The following LRRK2 variants were observed in gnomAD, a reference collection of about 807,000 sequenced individuals.
LRRK2 encodes the protein leucine rich repeat kinase 2, also known as leucine-rich repeat serine/threonine-protein kinase 2.
A neutral mutation model predicts 302.6 loss-of-function variants in LRRK2; 203 were observed. The observed-to-expected ratio is 0.67, with a 90% CI of 0.60 to 0.75. LRRK2 has a LOEUF of 0.75. Ranked by LOEUF, LRRK2 falls within the 30% of genes least tolerant of loss-of-function variation. LRRK2 has a pLI of 0.00. For missense variants in LRRK2, 2,830 were observed against 2,951.0 expected (o/e 0.96, Z 0.95); for synonymous variants, 1,066 against 1,031.9 (o/e 1.03, Z -0.63).
chr12:40,258,925 T>G (rs1457011704), intron 12 of LRRK2, among the ~76,000 whole-genome samples: 2 of 152,190 alleles, frequency 1.3e-5, no homozygotes, highest in Non-Finnish European at 2.9e-5. Context: ...TCTAGTCAAG[T>G]GACATTTGCT....
chr12:40,287,015 C>T (rs1330940225), intron 19 of LRRK2, among the ~76,000 whole-genome samples: 1 of 151,860 alleles, frequency 6.6e-6, no homozygotes, highest in Non-Finnish European at 1.5e-5. Context: ...ACACTGATAC[C>T]CAGGGAGCTC....
intron 14 of LRRK2, among the ~76,000 whole-genome samples, chr12:40,264,873 T>C (rs1942941896): frequency 6.6e-6 from 1 of 152,200 alleles, no homozygotes; most frequent in African/African-American, 2.4e-5. Flanking sequence ...TTAAGAAGTT[T>C]TGGAAATTTT....
intron 19 of LRRK2, among the ~76,000 whole-genome samples, 187 bp from the exon 20 acceptor site, chr12:40,287,164 G>GT (rs540331663): frequency 1.2e-4 from 18 of 151,966 alleles, no homozygotes; most frequent in South Asian, 6.2e-4. Context: ...ACATGGTTAT[G>GT]TTTTTTTAAA....
At chr12:40,328,602 C>T (rs1945620996) in intron 39 of LRRK2, 142 bp downstream of exon 39, 16 of 647,884 alleles carry the variant, frequency 2.5e-5, no homozygotes, top group South Asian at 6.3e-5. Context: ...TTTGTCTTTT[C>T]GTTGTGGAGT....
At chr12:40,232,159 G>A (rs1941231847) in intron 2 of LRRK2, 115 bp from the exon 3 acceptor site, 2 of 793,412 alleles carry the variant, frequency 2.5e-6, no homozygotes, top group Non-Finnish European at 4.4e-6. Flanking sequence ...TATAACCATT[G>A]TTTACAAGTG....
intron 16 of LRRK2, among the ~76,000 whole-genome samples, chr12:40,275,773 G>T (rs1024719977): frequency 1.3e-5 from 2 of 151,882 alleles, no homozygotes; most frequent in Non-Finnish European, 2.9e-5. Context: ...CCCATGCCTG[G>T]CTAATTTTTG....
In LRRK2 at chr12:40,277,942, C is replaced by T. The variant is rs751212416; in HGVS notation, c.1996C>T (p.Leu666=). ...ATTGTCAGCATCTTTTTCTAAGCTG[C>T]TGGTGCATCATTCATTTGACTTAGT... ...LKLSASFSKL[L]VHHSFDLVIF... Residue 666 remains leucine, a synonymous_variant, in exon 17 of 51, where the codon CTG becomes TTG. Transcript: ENST00000298910. 4.3e-6 allele frequency: 7 copies of T among 1,612,830 alleles called. No homozygotes were observed. The highest frequency in any genetic ancestry group is 5.9e-6 in the Non-Finnish European group (7 of 1,179,770).
chr12:40,300,049 G>A (rs1196958978), intron 25 of LRRK2, among the ~76,000 whole-genome samples: 1 of 152,118 alleles, frequency 6.6e-6, no homozygotes, highest in Admixed American at 6.6e-5. Flanking sequence ...TGCCTGAGCT[G>A]GGTAAGGCAT....
At chr12:40,287,598 T>C (rs1220672461) in intron 20 of LRRK2, 59 bp downstream of exon 20, 2 of 1,545,384 alleles carry the variant, frequency 1.3e-6, no homozygotes, top group African/African-American at 1.4e-5. Context: ...CATTGAACAA[T>C]AGGACCCAAG....
chr12:40,281,079 A>AC (rs1444179648), intron 18 of LRRK2, among the ~76,000 whole-genome samples: 2 of 151,764 alleles, frequency 1.3e-5, no homozygotes, highest in South Asian at 4.2e-4. Context: ...AAAAAAAAAA[A>AC]AACAAAAAAC....
intron 11 of LRRK2, among the ~76,000 whole-genome samples, chr12:40,254,841 T>G (rs17465807): frequency 6.6e-6 from 1 of 152,176 alleles, no homozygotes; most frequent in Non-Finnish European, 1.5e-5. Context: ...GATCCTTTTG[T>G]ATTGTCTTTG....
chr12:40,331,477 G>A (rs1311174861), intron 39 of LRRK2, among the ~76,000 whole-genome samples: 3 of 152,204 alleles, frequency 2.0e-5, no homozygotes, highest in South Asian at 2.1e-4. Flanking sequence ...CTGCTGCAGA[G>A]TATCTAGATC....
rs576742979 is a variant in LRRK2 at position 40,353,771 on chromosome 12, T to TA, written c.6577-527dup. 2.5e-4 allele frequency among the ~76,000 whole-genome samples: 38 copies of TA among 152,342 alleles called. 1 individual carries two copies. The East Asian group carries it at 5.6e-3, about 22-fold the overall frequency. On this transcript the variant is annotated intron_variant, in intron 44 of 50. Coordinates refer to ENST00000298910, the MANE Select transcript of LRRK2 (RefSeq NM_198578.4). ...CCGAGGCTGGCAGATCACTCGCGGT[T>TA]AGGAGCTGGAGACCAGCCCGGCCAA... is the stretch of plus-strand genomic sequence containing the variant.
At chr12:40,351,408 C>A in intron 43 of LRRK2, 131 bp from the exon 44 acceptor site, 1 of 716,004 alleles carries the variant, frequency 1.4e-6, no homozygotes, top group Non-Finnish European at 2.4e-6. Flanking sequence ...TCTTGGTGAT[C>A]TAGTTGGGTT....
rs1896253 is a variant in LRRK2 at position 40,319,793 on chromosome 12, T to C, written c.4828-195T>C. ...AACTCCCTTAATTTAACAATTTTTT[T>C]TTTTTTTTTGAGAGTGAATGCCCCT... On this transcript the variant is annotated intron_variant, in intron 33 of 50. Coordinates refer to ENST00000298910, the MANE Select transcript of LRRK2 (RefSeq NM_198578.4). Among the ~76,000 whole-genome samples the C allele has an allele frequency of 0.57, 85,500 of 151,204 alleles. 24,271 individuals are homozygous for C. Among genetic ancestry groups the C allele is most frequent in the South Asian group, 0.69 (3,341 of 4,810 alleles).
At chr12:40,301,651 C>T (rs537871811) in intron 25 of LRRK2, among the ~76,000 whole-genome samples, 165 of 152,248 alleles carry the variant, frequency 1.1e-3, no homozygotes, top group Non-Finnish European at 1.9e-3. Context: ...TGAAGATTGT[C>T]TAGATAAAGA....
chr12:40,284,268 T>C, intron 19 of LRRK2, 135 bp downstream of exon 19: 1 of 692,522 alleles, frequency 1.4e-6, no homozygotes, highest in South Asian at 2.6e-5. Flanking sequence ...TGGATTTTTT[T>C]TTTTTTTGGC....
Position 40,259,537 on chromosome 12 carries a change from A to T in LRRK2, c.1476A>T (p.Lys492Asn). ...AVVPKILTVM[K>N]RHETSLPVQL... is the part of the protein sequence containing the mutation. Reference sequence around the variant, plus strand: ...TCCCCAAAATACTAACAGTTATGAAACGTCATGAGACATCATTACCAGTGC... The same window carrying T: ...TCCCCAAAATACTAACAGTTATGAATCGTCATGAGACATCATTACCAGTGC... The change falls in exon 13 of 51, where the codon AAA becomes AAT. Residue 492 changes from lysine to asparagine, a missense_variant. Lys to Asn is a moderately conservative substitution (Grantham distance 94). This residue lies in a region of LRRK2 where 2,121 missense variants were observed against 2,148.0 expected (regional missense o/e 0.99). Coordinates refer to ENST00000298910, the MANE Select transcript of LRRK2 (RefSeq NM_198578.4). 1 of 1,613,418 alleles carries T rather than the reference A, an allele frequency of 6.2e-7. No individual in the cohort carries two copies. The highest frequency in any genetic ancestry group is 1.1e-5 in the South Asian group (1 of 91,074).
chr12:40,292,496 A>G (rs1380503123), intron 20 of LRRK2, among the ~76,000 whole-genome samples: 1 of 151,152 alleles, frequency 6.6e-6, no homozygotes, highest in Non-Finnish European at 1.5e-5. Context: ...ACACATATAA[A>G]GTGGGATAAT....
Sources: allele counts gnomAD v4.1 joint callset (sites outside exome capture counted in the v4.1 genomes callset), GRCh38; gene constraint gnomAD v4.1.1; regional missense constraint gnomAD v4.1.1; transcripts MANE v1.5; gene names NCBI Gene and HGNC (gene_info 2026-07-23, HGNC 2026-07-21).